The following PTPRT variants were observed in gnomAD, a reference collection of about 807,000 sequenced individuals.
The protein encoded by PTPRT is receptor-type tyrosine-protein phosphatase T.
In PTPRT, 56 loss-of-function variants were observed where a neutral mutation model predicts 176.8. That is an observed-to-expected ratio of 0.32 (90% CI 0.26 to 0.40). The LOEUF (loss-of-function observed/expected upper bound fraction) is 0.40. Ranked by LOEUF, PTPRT falls within the 10% of genes least tolerant of loss-of-function variation. The probability of loss-of-function intolerance (pLI) is 1.00; values close to 1 mark genes in which losing one functional copy is unlikely to be tolerated. For missense variants in PTPRT, 1,540 were observed against 1,908.2 expected (o/e 0.81, Z 3.60); for synonymous variants, 783 against 739.0 (o/e 1.06, Z -0.96).
At chr20:42,461,231 GC>G (rs1426176641) in intron 8 of PTPRT, among the ~76,000 whole-genome samples, 2 of 152,230 alleles carry the variant, frequency 1.3e-5, no homozygotes, top group Non-Finnish European at 2.9e-5. Context: ...GGAGGCTGAA[GC>G]AGGAGAATGG....
intron 7 of PTPRT, among the ~76,000 whole-genome samples, chr20:42,573,230 G>T (rs966596934): frequency 5.9e-5 from 9 of 152,288 alleles, no homozygotes; most frequent in Admixed American, 3.3e-4. Flanking sequence ...CAGCAGGAAG[G>T]TCAAAGGAAT....
At chr20:42,997,029 C>T (rs1234978020) in intron 1 of PTPRT, among the ~76,000 whole-genome samples, 1 of 152,182 alleles carries the variant, frequency 6.6e-6, no homozygotes, top group Non-Finnish European at 1.5e-5. Flanking sequence ...TTCCACTCAA[C>T]CATTCCAAGC....
intron 21 of PTPRT, chr20:42,116,092 C>T: frequency 1.4e-6 from 1 of 723,254 alleles, no homozygotes; most frequent in Non-Finnish European, 2.6e-6. Context: ...GTGTGTTCCG[C>T]TGGGTGCTAA....
At chr20:42,950,699 G>A (rs1238177263) in intron 1 of PTPRT, among the ~76,000 whole-genome samples, 1 of 152,122 alleles carries the variant, frequency 6.6e-6, no homozygotes, top group Non-Finnish European at 1.5e-5. Context: ...TGTTTTACAT[G>A]CCTATACCTT....
chr20:42,108,897 C>CCAT (rs1306725240), intron 23 of PTPRT, among the ~76,000 whole-genome samples: 3 of 152,210 alleles, frequency 2.0e-5, no homozygotes, highest in East Asian at 1.9e-4. Flanking sequence ...CGGCGTAGAG[C>CCAT]CATCATGCGC....
chr20:42,067,160 G>T, the PTPRT span, among the ~76,000 whole-genome samples: 1 of 152,164 alleles, frequency 6.6e-6, no homozygotes, highest in East Asian at 1.9e-4. Context: ...GGCCAGAAAA[G>T]GGAAGGGATA....
At chr20:42,725,592 AG>A (rs1322295747) in intron 6 of PTPRT, among the ~76,000 whole-genome samples, 2 of 152,080 alleles carry the variant, frequency 1.3e-5, no homozygotes, top group Non-Finnish European at 1.5e-5. Context: ...TCCAAGTCCT[AG>A]GGACTTTTAT....
rs953061167 is a variant in PTPRT, at chr20:42,265,275, T to G, written c.2177-16453A>C. Among the ~76,000 whole-genome samples, 2 of 152,116 alleles carry G rather than the reference T, an allele frequency of 1.3e-5. 1 individual carries two copies. The highest frequency in any genetic ancestry group is 4.2e-4 in the South Asian group (2 of 4,810). The stretch of plus-strand genomic sequence containing the variant: ...GGGCACAGAGCATGGAGAGTATGAT[T>G]ACAGACTGTCTTGAGAGACCTGGGT... On this transcript the variant is annotated intron_variant, in intron 13 of 30. Transcript: ENST00000373187.
intron 1 of PTPRT, among the ~76,000 whole-genome samples, chr20:43,105,869 G>A (rs1056438086): frequency 2.6e-5 from 4 of 151,944 alleles, no homozygotes; most frequent in Non-Finnish European, 5.9e-5. Flanking sequence ...CTCTTGGTGG[G>A]AGTTCTTCAT....
rs548174129 is a variant in PTPRT at position 42,581,191 on chromosome 20, G to A, written c.1153+96675C>T. On this transcript the variant is annotated intron_variant, in intron 7 of 30. Transcript: ENST00000373187. ...TTCCTCCACCCTTCATGATCCACGC[G>A]ACTAAATCTCTCTCATCTCTTTCAA... Among the ~76,000 whole-genome samples the A allele has an allele frequency of 3.9e-5, 6 of 152,106 alleles. No homozygotes were observed. In the South Asian group the frequency reaches 8.3e-4, roughly 21 times the overall value.
At chr20:42,128,934 G>T in intron 18 of PTPRT, 104 bp from the exon 19 acceptor site, 1 of 877,520 alleles carries the variant, frequency 1.1e-6, no homozygotes, top group Non-Finnish European at 1.6e-6. Flanking sequence ...ATCAGGCATT[G>T]TGCTACTCTC....
At chr20:43,132,208 A>G (rs2013665987) in intron 1 of PTPRT, among the ~76,000 whole-genome samples, 2 of 152,222 alleles carry the variant, frequency 1.3e-5, no homozygotes, top group Non-Finnish European at 2.9e-5. Flanking sequence ...AAAAAGAGAT[A>G]GTAAAACTAT....
At position 42,858,415 on chromosome 20, in the gene PTPRT, G is replaced by A. The variant is rs543113466; in HGVS notation, c.214+27392C>T. On this transcript the variant is annotated intron_variant, in intron 2 of 30. Transcript: ENST00000373187. ...GAAGGCAGGCCAGGATGATCAGATA[G>A]TGCTATCATCCGAATGTTTGTGGAG... is the stretch of plus-strand genomic sequence containing the variant. Among the ~76,000 whole-genome samples, 3 of 152,198 alleles carry A rather than the reference G, an allele frequency of 2.0e-5. No homozygotes were observed. The South Asian group carries it at 6.2e-4, about 32-fold the overall frequency.
chr20:42,855,629 G>A (rs904664956), intron 2 of PTPRT, among the ~76,000 whole-genome samples: 14 of 145,348 alleles, frequency 9.6e-5, no homozygotes, highest in Admixed American at 4.1e-4. Context: ...ACATGGTTTC[G>A]CCATGTTGGC....
At chr20:42,812,500 T>C (rs2077713190) in intron 2 of PTPRT, among the ~76,000 whole-genome samples, 1 of 152,120 alleles carries the variant, frequency 6.6e-6, no homozygotes, top group Non-Finnish European at 1.5e-5. Flanking sequence ...AAATGAACAG[T>C]AACAATTTTT....
Position 42,962,478 on chromosome 20 carries a change from A to G in PTPRT, c.89-76546T>C, listed in dbSNP as rs206674. 2.5e-3 allele frequency among the ~76,000 whole-genome samples: 377 copies of G among 152,308 alleles called. 1 individual carries two copies. Among genetic ancestry groups the G allele is most frequent in the African/African-American group, 8.3e-3 (346 of 41,574 alleles). On this transcript the variant is annotated intron_variant, in intron 1 of 30. Coordinates refer to ENST00000373187, the MANE Select transcript of PTPRT (RefSeq NM_007050.6). ...AAAAAAAAACCTTTAGAACAGATTT[A>G]AAAATAAGCTACACTGAATGTCCTA...
intron 7 of PTPRT, among the ~76,000 whole-genome samples, chr20:42,645,822 G>A (rs2145948662): frequency 6.6e-6 from 1 of 151,716 alleles, no homozygotes; most frequent in South Asian, 2.1e-4. Context: ...GTGACAGAGA[G>A]AGAGAGGCAG....
Position 42,118,513 on chromosome 20 carries a change from A to C in PTPRT, c.2885-13T>G. 1 of 1,598,090 alleles carries C rather than the reference A, an allele frequency of 6.3e-7. No homozygotes were observed. Among genetic ancestry groups the C allele is most frequent in the East Asian group, 2.2e-5 (1 of 44,496 alleles). ...TCCTGCATCGGACCTGCCAACAGAG[A>C]AGACAGTGAGGTTAGAGAATGCAAG... is the stretch of plus-strand genomic sequence containing the variant. On this transcript the variant is annotated splice_polypyrimidine_tract_variant and intron_variant, in intron 20 of 30. Transcript: ENST00000373187.
At chr20:42,949,261 A>G (rs1351729792) in intron 1 of PTPRT, among the ~76,000 whole-genome samples, 1 of 152,156 alleles carries the variant, frequency 6.6e-6, no homozygotes, top group East Asian at 1.9e-4. Context: ...TTCTTCCCCA[A>G]TAGAACGCAG....
Sources: allele counts gnomAD v4.1 joint callset (sites outside exome capture counted in the v4.1 genomes callset), GRCh38; gene constraint gnomAD v4.1.1; transcripts MANE v1.5; gene names NCBI Gene and HGNC (gene_info 2026-07-23, HGNC 2026-07-21).